The following SEPTIN9 variants were observed in gnomAD, a reference collection of about 807,000 sequenced individuals.
SEPTIN9 encodes the protein septin 9.
SEPTIN9 carries 13 observed loss-of-function variants against 56.6 expected under a neutral mutation model. That is an observed-to-expected ratio of 0.23 (90% CI 0.15 to 0.37). The LOEUF (loss-of-function observed/expected upper bound fraction) is 0.37. Among genes scored for constraint, SEPTIN9 ranks in the 10% least tolerant of loss-of-function variants. The pLI, the probability that SEPTIN9 is intolerant of heterozygous loss-of-function variation, is 1.00. For missense variants in SEPTIN9, 650 were observed against 823.1 expected (o/e 0.79, Z 2.57); for synonymous variants, 332 against 334.1 (o/e 0.99, Z 0.07).
chr17:77,341,267 A>C lies in SEPTIN9; in HGVS notation c.76+34070A>C, dbSNP rs2033715565. Among the ~76,000 whole-genome samples, 3 of 152,038 alleles carry C rather than the reference A, an allele frequency of 2.0e-5. No individual in the cohort carries two copies. The South Asian group carries it at 6.2e-4, about 32-fold the overall frequency. On this transcript the variant is annotated intron_variant, in intron 2 of 11. Coordinates refer to ENST00000427177, the MANE Select transcript of SEPTIN9 (RefSeq NM_001113491.2). ...TGAGAGACGGGTGACTCTTCCTTTC[A>C]CTTGAACACTTAGAGGCCATTGTAG...
intron 3 of SEPTIN9, among the ~76,000 whole-genome samples, chr17:77,461,513 G>C (rs312849): frequency 6.6e-6 from 1 of 152,068 alleles, no homozygotes; most frequent in Non-Finnish European, 1.5e-5. Context: ...GGGCAAGGAC[G>C]ACGCTGTCCC....
intron 3 of SEPTIN9, among the ~76,000 whole-genome samples, chr17:77,465,027 G>A (rs927502056): frequency 2.6e-5 from 4 of 152,096 alleles, no homozygotes; most frequent in African/African-American, 4.8e-5. Context: ...CCTAGCCACC[G>A]CTCATCTGCC....
chr17:77,360,227 G>A (rs1483161333), intron 2 of SEPTIN9, among the ~76,000 whole-genome samples: 1 of 151,398 alleles, frequency 6.6e-6, no homozygotes, highest in Non-Finnish European at 1.5e-5. Context: ...CCCTGAGCAT[G>A]GAGGCAGCCT....
At position 77,451,597 on chromosome 17, in the gene SEPTIN9, G is replaced by A. The variant is rs1190681648; in HGVS notation, c.722-30547G>A. 2 of 969,282 alleles carry A rather than the reference G, an allele frequency of 2.1e-6. No homozygotes were observed. The highest frequency in any genetic ancestry group is 1.8e-5 in the African/African-American group (1 of 56,928). 60.0% of individuals were successfully genotyped at this position (969,282 alleles called of 1,614,324 possible). On this transcript the variant is annotated intron_variant, in intron 3 of 11. Transcript: ENST00000427177. This position sits in a 1 kb window ranked among gnomAD's most constrained non-coding sequence, Gnocchi z 4.2. ...TCGGGGGCTCTCAGGTGGCGCGGCC[G>A]CGAGGCGGACCCTGATGGCCATGGT... is the stretch of plus-strand genomic sequence containing the variant.
intron 1 of SEPTIN9, among the ~76,000 whole-genome samples, chr17:77,291,340 G>A (rs1019628067): frequency 2.7e-4 from 41 of 150,856 alleles, no homozygotes; most frequent in African/African-American, 8.0e-4. Context: ...GGCATGCCTG[G>A]CTAATTTTTA....
rs1431938928 is a variant in SEPTIN9, at chr17:77,369,659, G to T, written c.77-32400G>T. On this transcript the variant is annotated intron_variant, in intron 2 of 11. Coordinates refer to ENST00000427177, the MANE Select transcript of SEPTIN9 (RefSeq NM_001113491.2). The surrounding 1 kb of genome is among the most constrained non-coding windows in gnomAD (Gnocchi z 4.9). ...TAAGACCATCTGGGCCCTGCCCTTG[G>T]GAAGTCTCTGTCTATGAGGACACAG... Among the ~76,000 whole-genome samples, 3 of 152,174 alleles carry T rather than the reference G, an allele frequency of 2.0e-5. No homozygotes were observed. The highest frequency in any genetic ancestry group is 7.2e-5 in the African/African-American group (3 of 41,446).
chr17:77,288,071 C>A, intron 1 of SEPTIN9: 1 of 1,063,240 alleles, frequency 9.4e-7, no homozygotes, highest in Non-Finnish European at 1.1e-6. Flanking sequence ...TTAGGGGGCA[C>A]GGAGGGCCAG....
intron 1 of SEPTIN9, among the ~76,000 whole-genome samples, chr17:77,305,439 G>T (rs1208847721): frequency 6.6e-6 from 1 of 152,246 alleles, no homozygotes; most frequent in East Asian, 1.9e-4. Flanking sequence ...TCCCTGCTCA[G>T]CGTCCTCCGG....
intron 2 of SEPTIN9, chr17:77,376,075 G>A: frequency 1.0e-6 from 1 of 986,058 alleles, no homozygotes; most frequent in Non-Finnish European, 1.2e-6. Context: ...CTAGCTAGCA[G>A]GGGAGAAGTC....
At chr17:77,467,898 C>T (rs886932378) in intron 3 of SEPTIN9, among the ~76,000 whole-genome samples, 15 of 152,256 alleles carry the variant, frequency 9.9e-5, no homozygotes, top group African/African-American at 2.2e-4. Flanking sequence ...CTGGGTGCTT[C>T]GGACGTGTAA....
intron 3 of SEPTIN9, among the ~76,000 whole-genome samples, chr17:77,420,388 T>C (rs1247322091): frequency 1.3e-5 from 2 of 152,210 alleles, no homozygotes; most frequent in South Asian, 2.1e-4. Flanking sequence ...AGGCCCCTAC[T>C]GGGCTGCGTC....
chr17:77,378,563 G>T (rs1735965700), intron 2 of SEPTIN9, among the ~76,000 whole-genome samples: 1 of 152,194 alleles, frequency 6.6e-6, no homozygotes, highest in South Asian at 2.1e-4. Flanking sequence ...TAAATATGCA[G>T]ATCTGGGGAT....
At chr17:77,287,277 G>A (rs965887788) in intron 1 of SEPTIN9, among the ~76,000 whole-genome samples, 2 of 152,238 alleles carry the variant, frequency 1.3e-5, no homozygotes, top group African/African-American at 2.4e-5. Flanking sequence ...TGTGGGAGCA[G>A]TGAAGTGCCC....
chr17:77,448,826 C>A (rs1006162172), intron 3 of SEPTIN9, among the ~76,000 whole-genome samples: 2 of 151,728 alleles, frequency 1.3e-5, no homozygotes, highest in African/African-American at 4.8e-5. Context: ...CACTGTTGCC[C>A]AGGCTGGAGT....
At chr17:77,484,445 ATGGTGG>A (rs759303678) in intron 4 of SEPTIN9, among the ~76,000 whole-genome samples, 1 of 61,540 alleles carries the variant, frequency 1.6e-5, no homozygotes, top group African/African-American at 9.7e-5. Flanking sequence ...GATGGTGGTG[ATGGTGG>A]TGGTGGTGAT....
intron 3 of SEPTIN9, among the ~76,000 whole-genome samples, chr17:77,461,354 C>T (rs2038464807): frequency 6.6e-6 from 1 of 152,098 alleles, no homozygotes; most frequent in Admixed American, 6.5e-5. Flanking sequence ...GGGGGGACCT[C>T]TGTGTCCATT....
chr17:77,303,549 C>T (rs1014534174), intron 1 of SEPTIN9, among the ~76,000 whole-genome samples: 6 of 151,812 alleles, frequency 4.0e-5, no homozygotes, highest in African/African-American at 1.2e-4. Flanking sequence ...CTGTCTCTAC[C>T]GAATATACAA....
chr17:77,436,680 A>G lies in SEPTIN9; in HGVS notation c.721+33977A>G, dbSNP rs1305059755. ...CCTACACCTCCTGTTTTGCTGCACT[A>G]GCCTCGTGGTAGGGGCTGCGGCGGA... On this transcript the variant is annotated intron_variant, in intron 3 of 11. Coordinates refer to ENST00000427177, the MANE Select transcript of SEPTIN9 (RefSeq NM_001113491.2). The surrounding 1 kb of genome is among the most constrained non-coding windows in gnomAD (Gnocchi z 4.4). 1.3e-5 allele frequency among the ~76,000 whole-genome samples: 2 copies of G among 152,204 alleles called. No individual in the cohort carries two copies. The highest frequency in any genetic ancestry group is 4.8e-5 in the African/African-American group (2 of 41,452).
chr17:77,404,868 C>G (rs2036012444), intron 3 of SEPTIN9, among the ~76,000 whole-genome samples: 1 of 152,212 alleles, frequency 6.6e-6, no homozygotes, highest in African/African-American at 2.4e-5. Context: ...CCCAGCCACC[C>G]AGACTCAGTG....
Sources: gnomAD v4.1 joint callset for allele counts (sites outside exome capture counted in the v4.1 genomes callset) on GRCh38, gnomAD v4.1.1 for gene constraint, Gnocchi (gnomAD v3.1) non-coding constraint, MANE v1.5 for transcripts, NCBI Gene and HGNC (gene_info 2026-07-23, HGNC 2026-07-21) for gene names.